The following UBE2D3 variants were observed in gnomAD, a reference collection of about 807,000 sequenced individuals.
UBE2D3 encodes ubiquitin conjugating enzyme E2 D3.
UBE2D3 carries 2 observed loss-of-function variants against 22.8 expected under a neutral mutation model. The observed-to-expected ratio is 0.09, with a 90% CI of 0.04 to 0.28. The LOEUF (loss-of-function observed/expected upper bound fraction) is 0.28. UBE2D3 is among the 10% of genes least tolerant of loss of function. The pLI is 1.00. For missense variants in UBE2D3, 27 were observed against 182.5 expected (o/e 0.15, Z 4.91); for synonymous variants, 56 against 60.4 (o/e 0.93, Z 0.34).
intron 1 of UBE2D3, among the ~76,000 whole-genome samples, chr4:102,860,742 C>T (rs2110379393): frequency 1.3e-5 from 2 of 152,036 alleles, no homozygotes; most frequent in South Asian, 4.2e-4. Context: ...TTCTTCCAAT[C>T]CAGCAGGAGC....
intron 1 of UBE2D3, among the ~76,000 whole-genome samples, chr4:102,861,327 G>A (rs1050101508): frequency 6.6e-6 from 1 of 151,922 alleles, no homozygotes. Flanking sequence ...ATGGTATTTG[G>A]TATTTCTGCA....
chr4:102,812,075 T>C, intron 2 of UBE2D3: 1 of 182,230 alleles, frequency 5.5e-6, no homozygotes, highest in Non-Finnish European at 1.2e-5. Context: ...GGACACAAAA[T>C]GCAGAACTTT....
chr4:102,822,890 C>G (rs2110324422), intron 2 of UBE2D3, among the ~76,000 whole-genome samples: 1 of 146,900 alleles, frequency 6.8e-6, no homozygotes, highest in South Asian at 2.2e-4. Context: ...GAGCTGAGAT[C>G]GCGCCACTGC....
chr4:102,857,433 T>C (rs750823802), intron 1 of UBE2D3, among the ~76,000 whole-genome samples: 25 of 152,140 alleles, frequency 1.6e-4, no homozygotes, highest in Non-Finnish European at 3.5e-4. Flanking sequence ...ATTTAAAGTT[T>C]CTAATATAAA....
chr4:102,825,897 T>C (rs1578268016), intron 2 of UBE2D3: 1 of 413,608 alleles, frequency 2.4e-6, no homozygotes, highest in South Asian at 1.7e-5. Flanking sequence ...TGTCATTCCA[T>C]CTCCTCCCAA....
intron 1 of UBE2D3, among the ~76,000 whole-genome samples, chr4:102,851,445 TCA>T (rs1369435853): frequency 2.0e-5 from 3 of 152,202 alleles, no homozygotes; most frequent in Non-Finnish European, 2.9e-5. Flanking sequence ...TCTGGCCAAA[TCA>T]CAGTGTGGTG....
intron 1 of UBE2D3, among the ~76,000 whole-genome samples, chr4:102,849,364 CAAAAAAAAAA>C (rs55874314): frequency 1.6e-5 from 1 of 63,262 alleles, no homozygotes; most frequent in Admixed American, 1.9e-4. Flanking sequence ...ACCCCTGTCT[CAAAAAAAAAA>C]AAAAAAAAAA....
intron 2 of UBE2D3, chr4:102,812,780 GTTT>G (rs1728230448): frequency 6.6e-6 from 1 of 152,174 alleles, no homozygotes; most frequent in African/African-American, 2.4e-5. Context: ...TACATAAAGT[GTTT>G]TTGTCTTATT....
chr4:102,829,176 G>A (rs1488124216), upstream of UBE2D3, among the ~76,000 whole-genome samples: 1 of 152,132 alleles, frequency 6.6e-6, no homozygotes, highest in Non-Finnish European at 1.5e-5. Flanking sequence ...TGATTTGGTA[G>A]GGCAGTGGTG....
intron 4 of UBE2D3, among the ~76,000 whole-genome samples, chr4:102,805,972 A>C (rs1196180957): frequency 1.3e-5 from 2 of 152,326 alleles, no homozygotes; most frequent in East Asian, 1.9e-4. Flanking sequence ...AAATTTCTTG[A>C]ATTAGCTTCT....
chr4:102,856,988 AT>A lies in UBE2D3; in HGVS notation c.-129+11726del, dbSNP rs1419431018. Reference sequence around the variant, plus strand: ...ACTATTATGGTGGACACATGACACTATGCAGTTGTCAAAATTGATAGAACTA... The same window carrying A: ...ACTATTATGGTGGACACATGACACTAGCAGTTGTCAAAATTGATAGAACTA... On this transcript the variant is annotated intron_variant, in intron 1 of 7. Transcript: ENST00000338145. Among the ~76,000 whole-genome samples, 7 of 152,326 alleles carry A rather than the reference AT, an allele frequency of 4.6e-5. No homozygotes were observed. The South Asian group carries it at 8.3e-4, about 18-fold the overall frequency.
chr4:102,854,949 G>C (rs1259672362), intron 1 of UBE2D3, among the ~76,000 whole-genome samples: 1 of 152,194 alleles, frequency 6.6e-6, no homozygotes, highest in Non-Finnish European at 1.5e-5. Context: ...ACCAGCAACA[G>C]ATCAGGCTTC....
intron 4 of UBE2D3, among the ~76,000 whole-genome samples, chr4:102,803,747 G>A (rs1726572710): frequency 6.6e-6 from 1 of 152,136 alleles, no homozygotes; most frequent in Non-Finnish European, 1.5e-5. Flanking sequence ...CAGGTTCAAA[G>A]AAATATACAA....
chr4:102,799,788 G>A (rs1220120342), intron 6 of UBE2D3, among the ~76,000 whole-genome samples: 1 of 138,790 alleles, frequency 7.2e-6, no homozygotes, highest in Non-Finnish European at 1.5e-5. Context: ...ATTTTAAATA[G>A]GCATAAATGA....
At chr4:102,822,751 C>A (rs929910662) in intron 2 of UBE2D3, among the ~76,000 whole-genome samples, 4 of 41,764 alleles carry the variant, frequency 9.6e-5, no homozygotes, top group Non-Finnish European at 8.4e-5. Flanking sequence ...CTGGTTAACA[C>A]GGTGAAACCC....
intron 1 of UBE2D3, among the ~76,000 whole-genome samples, chr4:102,852,033 T>C (rs1259967839): frequency 1.6e-5 from 2 of 121,842 alleles, no homozygotes; most frequent in Non-Finnish European, 1.6e-5. Flanking sequence ...CCTAACTCTC[T>C]TGAAAGTTTG....
chr4:102,797,642 G>C (rs2110239030), intron 7 of UBE2D3, among the ~76,000 whole-genome samples, 182 bp from the exon 8 acceptor site: 1 of 152,110 alleles, frequency 6.6e-6, no homozygotes. Context: ...TGTGGGAAAT[G>C]AGAGCCTGAT....
At chr4:102,827,392 C>G (rs968868040) in intron 1 of UBE2D3, 35 bp downstream of exon 1, 1 of 986,066 alleles carries the variant, frequency 1.0e-6, no homozygotes, top group East Asian at 1.1e-4. Context: ...GGCCGGCCTC[C>G]CTTCCCTGCC....
At chr4:102,833,357 T>C (rs1010261957) in intron 1 of UBE2D3, among the ~76,000 whole-genome samples, 2 of 152,224 alleles carry the variant, frequency 1.3e-5, no homozygotes, top group African/African-American at 4.8e-5. Context: ...AAGAATTCAT[T>C]ATCTATTTCT....
Sources: gnomAD v4.1 joint callset for allele counts (sites outside exome capture counted in the v4.1 genomes callset) on GRCh38, gnomAD v4.1.1 for gene constraint, MANE v1.5 for transcripts, NCBI Gene and HGNC (gene_info 2026-07-23, HGNC 2026-07-21) for gene names.